Variants in CCT6B observed in about 807,000 individuals in gnomAD.
CCT6B encodes the protein chaperonin containing TCP1 subunit 6B.
CCT6B carries 49 observed loss-of-function variants against 61.5 expected under a neutral mutation model. The observed-to-expected ratio is 0.80, with a 90% CI of 0.63 to 1.01. CCT6B has a LOEUF of 1.01. Among genes scored for constraint, CCT6B ranks in the 50% least tolerant of loss-of-function variants. The probability of loss-of-function intolerance (pLI) is 0.00; values close to 1 mark genes in which losing one functional copy is unlikely to be tolerated. For missense variants in CCT6B, 666 were observed against 634.7 expected (o/e 1.05, Z -0.53); for synonymous variants, 228 against 214.5 (o/e 1.06, Z -0.55).
intron 12 of CCT6B, among the ~76,000 whole-genome samples, chr17:34,929,759 C>T (rs1390810662): frequency 6.6e-6 from 1 of 152,062 alleles, no homozygotes; most frequent in East Asian, 1.9e-4. Context: ...AGTGATTCAC[C>T]TACCTTGGCC....
At chr17:34,942,764 T>A (rs775865360) in intron 6 of CCT6B, 32 bp downstream of exon 6, 14 of 1,525,996 alleles carry the variant, frequency 9.2e-6, no homozygotes, top group South Asian at 2.4e-5. Context: ...GAAAAAAAAA[T>A]TCAAAAGTTA....
At chr17:34,942,700 G>A in intron 6 of CCT6B, 57 bp from the exon 7 acceptor site, 1 of 1,501,478 alleles carries the variant, frequency 6.7e-7, no homozygotes, top group Non-Finnish European at 9.0e-7. Flanking sequence ...AAAAAAGATA[G>A]AAGTAGTCTA....
chr17:34,958,692 T>C lies in CCT6B; in HGVS notation c.204A>G (p.Gln68=), dbSNP rs1227862917. The C allele has an allele frequency of 6.3e-7, 1 of 1,590,948 alleles. No homozygotes were observed. Among genetic ancestry groups the C allele is most frequent in the African/African-American group, 1.3e-5 (1 of 74,196 alleles). The change falls in exon 3 of 14, where the codon CAA becomes CAG. Residue 68 remains glutamine, a splice_region_variant and synonymous_variant. Transcript: ENST00000314144. ...TCAAGGAAGCTGTTGGATGTTGAAT[T>C]TGCTGGAAAAAGCAAGCAACAGATT... ...KDGNVLLDEM[Q]IQHPTASLIA... is the part of the protein sequence containing the mutation.
intron 8 of CCT6B, among the ~76,000 whole-genome samples, chr17:34,940,250 T>G (rs950212609): frequency 6.6e-6 from 1 of 152,150 alleles, no homozygotes; most frequent in African/African-American, 2.4e-5. Flanking sequence ...TTTTTTAGAT[T>G]CCATATATAA....
At chr17:34,930,779 A>G (rs954000385) in intron 12 of CCT6B, among the ~76,000 whole-genome samples, 170 bp downstream of exon 12, 3 of 152,172 alleles carry the variant, frequency 2.0e-5, no homozygotes, top group Admixed American at 6.5e-5. Context: ...CAAGCACTCA[A>G]TAACTATTTC....
In CCT6B at chr17:34,961,256, C is replaced by A. The variant is rs1235737203; in HGVS notation, c.137+1G>T. 1.2e-6 allele frequency: 2 copies of A among 1,600,492 alleles called. No individual in the cohort carries two copies. Among genetic ancestry groups the A allele is most frequent in the South Asian group, 1.1e-5 (1 of 89,682 alleles). ...AATGGCCGCTCCAACCGCTGTCTCACATTTTCATGGTGCCTTTAGGACCCA... is the reference window on the plus strand; with the variant it reads ...AATGGCCGCTCCAACCGCTGTCTCAAATTTTCATGGTGCCTTTAGGACCCA... On this transcript the variant is annotated splice_donor_variant, in intron 1 of 13. Coordinates refer to ENST00000314144, the MANE Select transcript of CCT6B (RefSeq NM_006584.4). LOFTEE classifies it high-confidence loss of function.
intron 8 of CCT6B, 76 bp downstream of exon 8, chr17:34,940,463 C>G: frequency 1.3e-6 from 1 of 799,644 alleles, no homozygotes; most frequent in Non-Finnish European, 2.0e-6. Context: ...TACACATAAG[C>G]TAAAAGGAAA....
At chr17:34,932,247 G>A (rs1411825341) in intron 11 of CCT6B, 120 bp downstream of exon 11, 4 of 891,972 alleles carry the variant, frequency 4.5e-6, no homozygotes, top group Admixed American at 2.8e-5. Flanking sequence ...AGAGAAAACT[G>A]TGTAAGGAAA....
At chr17:34,952,340 C>T (rs2090301493) in intron 4 of CCT6B, among the ~76,000 whole-genome samples, 1 of 152,170 alleles carries the variant, frequency 6.6e-6, no homozygotes, top group Non-Finnish European at 1.5e-5. Flanking sequence ...TAAGATCTAA[C>T]AGCTAGTAAC....
chr17:34,939,393 A>C (rs2090133174), intron 9 of CCT6B, 63 bp from the exon 10 acceptor site: 1 of 1,322,896 alleles, frequency 7.6e-7, no homozygotes, highest in Non-Finnish European at 1.1e-6. Flanking sequence ...TCAACAATTT[A>C]TACTAGAATA....
rs971930166 is a variant in CCT6B, at chr17:34,934,054, G to A, written c.1214-1554C>T. Reference sequence around the variant, plus strand: ...TAAGGTGGGAGGACTGCCTGAGCCTGGGAAGTCAAGGCTGCAGTGAGCCGT... The same window carrying A: ...TAAGGTGGGAGGACTGCCTGAGCCTAGGAAGTCAAGGCTGCAGTGAGCCGT... On this transcript the variant is annotated intron_variant, in intron 10 of 13. Coordinates refer to ENST00000314144, the MANE Select transcript of CCT6B (RefSeq NM_006584.4). Among the ~76,000 whole-genome samples the A allele has an allele frequency of 6.6e-5, 10 of 151,514 alleles. No individual in the cohort carries two copies. The East Asian group carries it at 1.9e-3, about 29-fold the overall frequency.
intron 5 of CCT6B, among the ~76,000 whole-genome samples, chr17:34,946,917 T>C (rs1423505464): frequency 6.6e-6 from 1 of 152,224 alleles, no homozygotes; most frequent in African/African-American, 2.4e-5. Flanking sequence ...GAGGGGCTTT[T>C]AAGGTACTAG....
chr17:34,956,074 A>G (rs575555414), intron 3 of CCT6B, among the ~76,000 whole-genome samples: 1 of 152,326 alleles, frequency 6.6e-6, no homozygotes, highest in South Asian at 2.1e-4. Context: ...TGACCATATC[A>G]GTCATTAGTA....
intron 1 of CCT6B, 72 bp downstream of exon 1, chr17:34,961,185 G>A: frequency 2.0e-6 from 3 of 1,502,748 alleles, no homozygotes; most frequent in Non-Finnish European, 1.8e-6. Context: ...CTACGCGGAC[G>A]CCTGCCTCAG....
At position 34,927,986 on chromosome 17, in the gene CCT6B, G is replaced by T; in HGVS notation, c.*62C>A. On this transcript the variant is annotated 3_prime_UTR_variant, in exon 14 of 14. Coordinates refer to ENST00000314144, the MANE Select transcript of CCT6B (RefSeq NM_006584.4). ...TCAGAATGGCTCAGGCTACACAATA[G>T]TAGTCAGATGTAAAGTGTACTAAAT... 2 of 1,174,236 alleles carry T rather than the reference G, an allele frequency of 1.7e-6. No homozygotes were observed. The highest frequency in any genetic ancestry group is 2.5e-6 in the Non-Finnish European group (2 of 801,612). The allele number at this position is 1,174,236 out of a possible 1,614,324, so 72.7% of individuals were successfully genotyped here.
intron 5 of CCT6B, among the ~76,000 whole-genome samples, chr17:34,948,481 G>A (rs1368212191): frequency 2.0e-5 from 3 of 151,680 alleles, no homozygotes; most frequent in East Asian, 2.0e-4. Context: ...TTGGGAGGCC[G>A]AGGAGGGTGG....
At chr17:34,960,863 C>T (rs909866042) in intron 1 of CCT6B, among the ~76,000 whole-genome samples, 1 of 152,198 alleles carries the variant, frequency 6.6e-6, no homozygotes, top group Non-Finnish European at 1.5e-5. Context: ...GGCTCCAAAG[C>T]CTGTGTCCTC....
intron 12 of CCT6B, among the ~76,000 whole-genome samples, chr17:34,929,512 G>GT (rs59852776): frequency 4.5e-5 from 6 of 132,248 alleles, no homozygotes; most frequent in Non-Finnish European, 6.4e-5. Flanking sequence ...TTTTTTTGGT[G>GT]TTTTTTGTTT....
intron 5 of CCT6B, chr17:34,949,721 A>C (rs1267142567): frequency 6.6e-6 from 1 of 152,230 alleles, no homozygotes; most frequent in Non-Finnish European, 1.5e-5. Context: ...AAAACTATGC[A>C]TCTAAAAAGA....
Sources: allele counts gnomAD v4.1 joint callset (sites outside exome capture counted in the v4.1 genomes callset), GRCh38; gene constraint gnomAD v4.1.1; transcripts MANE v1.5; gene names NCBI Gene and HGNC (gene_info 2026-07-23, HGNC 2026-07-21).